Variants in GCFC2 observed in about 807,000 individuals in gnomAD.
GCFC2 encodes GC-rich sequence DNA-binding factor 2.
GCFC2 carries 102 observed loss-of-function variants against 99.4 expected under a neutral mutation model. That is an observed-to-expected ratio of 1.03 (90% CI 0.87 to 1.21). The LOEUF (loss-of-function observed/expected upper bound fraction) is 1.21. Ranked by LOEUF, GCFC2 falls within the 50% of genes most tolerant of loss-of-function variation. GCFC2 has a pLI of 0.00. For synonymous variants in GCFC2, 338 were observed against 316.8 expected (o/e 1.07, Z -0.71); for missense variants, 973 against 920.9 (o/e 1.06, Z -0.73).
chr2:75,706,023 C>T (rs1216343992), intron 2 of GCFC2, among the ~76,000 whole-genome samples: 1 of 152,234 alleles, frequency 6.6e-6, no homozygotes, highest in Non-Finnish European at 1.5e-5. Context: ...TTCTAAGACA[C>T]AAAAACATTC....
chr2:75,683,693 G>A (rs890749361), intron 11 of GCFC2, among the ~76,000 whole-genome samples: 1 of 144,988 alleles, frequency 6.9e-6, no homozygotes, highest in Non-Finnish European at 1.5e-5. Flanking sequence ...CTGTATTCAG[G>A]AGACCCATCT....
At chr2:75,699,752 T>C (rs1048849791) in intron 4 of GCFC2, among the ~76,000 whole-genome samples, 3 of 151,906 alleles carry the variant, frequency 2.0e-5, no homozygotes, top group Non-Finnish European at 4.4e-5. Flanking sequence ...GTTTTATTTG[T>C]TTTTAGTAGA....
chr2:75,679,711 T>C (rs1198066185), intron 12 of GCFC2: 4 of 398,474 alleles, frequency 1.0e-5, no homozygotes, highest in Admixed American at 4.4e-5. Context: ...GTAATGAGTA[T>C]TGTTGTCTTC....
chr2:75,689,948 A>G (rs1470771884), intron 9 of GCFC2, 21 bp downstream of exon 9: 1 of 1,278,264 alleles, frequency 7.8e-7, no homozygotes, highest in East Asian at 2.4e-5. Context: ...ACCATGATAT[A>G]TTAGAAACTT....
At chr2:75,671,868 A>G (rs1026786312) in intron 14 of GCFC2, 82 bp downstream of exon 14, 3 of 681,122 alleles carry the variant, frequency 4.4e-6, no homozygotes, top group Non-Finnish European at 8.2e-6. Context: ...TAATTCTTAT[A>G]GAAGAAGTTT....
chr2:75,684,052 C>T (rs995724713), intron 11 of GCFC2, among the ~76,000 whole-genome samples: 1 of 152,082 alleles, frequency 6.6e-6, no homozygotes, highest in African/African-American at 2.4e-5. Flanking sequence ...ATCCCACTGT[C>T]GATAACAGAC....
rs540853174 is a variant in GCFC2, at chr2:75,678,341, T to G, written c.1812+1852A>C. On this transcript the variant is annotated intron_variant, in intron 12 of 16. Coordinates refer to ENST00000321027, the MANE Select transcript of GCFC2 (RefSeq NM_003203.5). Reference sequence around the variant, plus strand: ...AGCACAGAATAAATCTATACCTTCTTTGAATACAAACAGCATCTCTCTGTA... The same window carrying G: ...AGCACAGAATAAATCTATACCTTCTGTGAATACAAACAGCATCTCTCTGTA... Among the ~76,000 whole-genome samples the G allele has an allele frequency of 2.6e-5, 4 of 152,324 alleles. No homozygotes were observed. The South Asian group carries it at 8.3e-4, about 32-fold the overall frequency.
intron 11 of GCFC2, among the ~76,000 whole-genome samples, chr2:75,681,543 T>A (rs185238347): frequency 1.1e-4 from 16 of 151,872 alleles, no homozygotes; most frequent in African/African-American, 1.7e-4. Flanking sequence ...GCTTTTTTTT[T>A]AATTTTTATT....
intron 12 of GCFC2, chr2:75,679,657 A>C (rs1558736312): frequency 2.5e-6 from 1 of 396,884 alleles, no homozygotes; most frequent in Non-Finnish European, 4.4e-6. Context: ...ACCATTGTTC[A>C]AGCAAAGCCA....
intron 12 of GCFC2, among the ~76,000 whole-genome samples, chr2:75,673,957 A>T (rs1430457310): frequency 6.6e-6 from 1 of 152,214 alleles, no homozygotes; most frequent in African/African-American, 2.4e-5. Context: ...CATTTACATC[A>T]TTCCTGCAGT....
chr2:75,704,787 C>G (rs1680759743), intron 2 of GCFC2, among the ~76,000 whole-genome samples: 1 of 152,196 alleles, frequency 6.6e-6, no homozygotes, highest in Non-Finnish European at 1.5e-5. Context: ...CAGGTTCAAG[C>G]AATTCTTTTG....
At chr2:75,684,586 A>C (rs1190803465) in intron 11 of GCFC2, among the ~76,000 whole-genome samples, 1 of 152,214 alleles carries the variant, frequency 6.6e-6, no homozygotes, top group Non-Finnish European at 1.5e-5. Context: ...GGAGAAATAG[A>C]ACACTTTTAC....
rs1680865972 is a variant in GCFC2, at chr2:75,706,431, A to T, written c.394+92T>A. ...TCATCATTAATGACCTACTTGCCCCATGTCACTAGAGTTTGTTATGTCATT... is the reference window on the plus strand; with the variant it reads ...TCATCATTAATGACCTACTTGCCCCTTGTCACTAGAGTTTGTTATGTCATT... On this transcript the variant is annotated intron_variant, in intron 2 of 16. Coordinates refer to ENST00000321027, the MANE Select transcript of GCFC2 (RefSeq NM_003203.5). The T allele has an allele frequency of 8.9e-6, 7 of 788,442 alleles. No individual in the cohort carries two copies. The South Asian group carries it at 1.2e-4, about 14-fold the overall frequency. The allele number at this position is 788,442 out of a possible 1,614,324, so 48.8% of individuals were successfully genotyped here. A position where few individuals can be genotyped will look rare whatever the true frequency, so the allele number is the denominator to read the frequency against.
intron 2 of GCFC2, among the ~76,000 whole-genome samples, chr2:75,704,681 C>CT (rs1335569380): frequency 6.6e-6 from 1 of 152,202 alleles, no homozygotes; most frequent in Non-Finnish European, 1.5e-5. Context: ...AATCCACCAT[C>CT]TTTTTTTGTT....
chr2:75,688,787 A>G (rs569494303), intron 10 of GCFC2, among the ~76,000 whole-genome samples: 24 of 144,744 alleles, frequency 1.7e-4, no homozygotes, highest in Non-Finnish European at 2.8e-4. Flanking sequence ...TTTAATGTAC[A>G]AGAAGCTAAA....
At chr2:75,712,577 G>T (rs974929798), upstream of GCFC2, among the ~76,000 whole-genome samples, 10 of 152,224 alleles carry the variant, frequency 6.6e-5, no homozygotes, top group African/African-American at 2.4e-4. Flanking sequence ...AACCCGCTCC[G>T]GTCCCCTTCC....
chr2:75,664,706 T>C lies in GCFC2; in HGVS notation c.2306A>G (p.His769Arg), dbSNP rs949088372. Residue 769 changes from histidine (H) to arginine (R), a missense_variant, in exon 17 of 17, where the codon CAT (histidine) becomes CGT (arginine). Physicochemically the swap from His to Arg is conservative, Grantham distance 29. Transcript: ENST00000321027. ...LNQAESFIGE[H>R]HLDHLKSLIK... ...TAGTGATTTAAGATGGTCTAGGTGA[T>C]GCTCTCCTATGAAGGATTCTGCTTG... The C allele has an allele frequency of 1.9e-6, 3 of 1,549,428 alleles. No individual in the cohort carries two copies. The highest frequency in any genetic ancestry group is 3.4e-5 in the Admixed American group (2 of 59,672).
At chr2:75,694,549 T>G in intron 5 of GCFC2, 122 bp from the exon 6 acceptor site, 1 of 413,798 alleles carries the variant, frequency 2.4e-6, no homozygotes, top group Non-Finnish European at 4.2e-6. Flanking sequence ...GTTTATAGAC[T>G]AGATAAGCAA....
intron 4 of GCFC2, among the ~76,000 whole-genome samples, chr2:75,698,924 A>G (rs1680453250): frequency 6.6e-6 from 1 of 151,624 alleles, no homozygotes; most frequent in African/African-American, 2.4e-5. Flanking sequence ...AGGCATGAGA[A>G]TTGCTTGAAC....
Sources: gnomAD v4.1 joint callset for allele counts (sites outside exome capture counted in the v4.1 genomes callset) on GRCh38, gnomAD v4.1.1 for gene constraint, MANE v1.5 for transcripts, NCBI Gene and HGNC (gene_info 2026-07-23, HGNC 2026-07-21) for gene names.